The following CUBN variants were observed in gnomAD, a reference collection of about 807,000 sequenced individuals.
CUBN encodes the protein cubilin.
Under a neutral mutation model 405.3 loss-of-function variants are expected in CUBN, and 282 were observed. The observed-to-expected ratio is 0.70, with a 90% CI of 0.63 to 0.77. CUBN has a LOEUF of 0.77. Ranked by LOEUF, CUBN falls within the 30% of genes least tolerant of loss-of-function variation. The probability of loss-of-function intolerance (pLI) is 0.00; values close to 1 mark genes in which losing one functional copy is unlikely to be tolerated. For missense variants in CUBN, 4,514 were observed against 4,475.2 expected (o/e 1.01, Z -0.25); for synonymous variants, 1,684 against 1,617.0 (o/e 1.04, Z -0.99).
chr10:17,096,075 T>TA (rs1487818824), intron 14 of CUBN, among the ~76,000 whole-genome samples: 2 of 151,968 alleles, frequency 1.3e-5, no homozygotes, highest in Admixed American at 6.6e-5. Context: ...ATGTGAAATC[T>TA]AAAAAAAGTT....
At chr10:16,827,747 G>A (rs1368140532) in intron 66 of CUBN, among the ~76,000 whole-genome samples, 7 of 152,190 alleles carry the variant, frequency 4.6e-5, no homozygotes, top group Non-Finnish European at 7.3e-5. Context: ...GATTACAGGC[G>A]TGTGCCACTA....
chr10:17,045,210 T>C, intron 24 of CUBN, 22 bp from the exon 25 acceptor site: 1 of 1,611,042 alleles, frequency 6.2e-7, no homozygotes, highest in East Asian at 2.2e-5. Flanking sequence ...AGAAGTGGAA[T>C]GACACACACC....
chr10:16,847,856 A>G (rs1398264726), intron 60 of CUBN, among the ~76,000 whole-genome samples: 1 of 152,142 alleles, frequency 6.6e-6, no homozygotes, highest in Non-Finnish European at 1.5e-5. Context: ...GTTCAGTTAA[A>G]TTAGCTTTTC....
In CUBN at chr10:16,880,668, A is replaced by T. The variant is rs532417226; in HGVS notation, c.8906-3571T>A. ...TCAAAGAATCTTGACAAATACTTTT[A>T]AAAAGCATCTCTGTGCATTAAAGAG... On this transcript the variant is annotated intron_variant, in intron 56 of 66. Coordinates refer to ENST00000377833, the MANE Select transcript of CUBN (RefSeq NM_001081.4). Among the ~76,000 whole-genome samples the T allele has an allele frequency of 3.3e-5, 5 of 152,364 alleles. No homozygotes were observed. The South Asian group carries it at 1.0e-3, about 32-fold the overall frequency.
intron 14 of CUBN, among the ~76,000 whole-genome samples, chr10:17,091,402 TA>T (rs66767096): frequency 0.87 from 132,108 of 151,910 alleles, 57,549 homozygotes; most frequent in East Asian, 0.95. Flanking sequence ...GAATACTTTT[TA>T]AAAAAAAGAA....
chr10:17,105,976 T>C (rs774886372), intron 10 of CUBN, among the ~76,000 whole-genome samples: 1 of 152,154 alleles, frequency 6.6e-6, no homozygotes, highest in Non-Finnish European at 1.5e-5. Flanking sequence ...CTCTGACTGA[T>C]TTAATCCTCC....
intron 28 of CUBN, among the ~76,000 whole-genome samples, chr10:17,014,734 T>TACTTTTGA (rs1834281472): frequency 6.6e-6 from 1 of 152,178 alleles, no homozygotes; most frequent in East Asian, 1.9e-4. Context: ...CATCCACATA[T>TACTTTTGA]TGAAGGACCA....
chr10:16,930,380 G>A (rs1842327537), intron 40 of CUBN, among the ~76,000 whole-genome samples: 1 of 152,144 alleles, frequency 6.6e-6, no homozygotes. Flanking sequence ...AATCTTACAG[G>A]AGTTACAAGC....
chr10:17,099,348 T>C (rs1836445532), intron 14 of CUBN, among the ~76,000 whole-genome samples: 1 of 152,042 alleles, frequency 6.6e-6, no homozygotes, highest in South Asian at 2.1e-4. Context: ...TGAGTGATCA[T>C]TAAGATGAAG....
rs1256669256 is a variant in CUBN at position 16,915,971 on chromosome 10, T to C, written c.7060A>G (p.Thr2354Ala). Residue 2354 changes from threonine (T) to alanine (A), a missense_variant, in exon 46 of 67, where the codon ACA (threonine) becomes GCA (alanine). Physicochemically the swap from Thr to Ala is moderately conservative, Grantham distance 58 (BLOSUM62 0). Transcript: ENST00000377833. ...AATAAGTTGTCTCTGTATGGAAGTG[T>C]TGGATGTCCAATGCTTTCAACAACA... The part of the protein sequence containing the change: ...SGVVESIGHP[T>A]LPYRDNLFCE... 2.5e-6 allele frequency: 4 copies of C among 1,614,002 alleles called. No homozygotes were observed. Among genetic ancestry groups the C allele is most frequent in the Non-Finnish European group, 2.5e-6 (3 of 1,180,026 alleles).
intron 28 of CUBN, among the ~76,000 whole-genome samples, chr10:17,002,605 C>G (rs1588570104): frequency 1.3e-5 from 2 of 152,270 alleles, no homozygotes; most frequent in South Asian, 4.1e-4. Context: ...AGATGAAGGT[C>G]AACTGTGTGG....
At chr10:16,887,454 A>C (rs893401595) in intron 56 of CUBN, among the ~76,000 whole-genome samples, 3 of 152,210 alleles carry the variant, frequency 2.0e-5, no homozygotes, top group Admixed American at 6.5e-5. Context: ...TATTTTCTTT[A>C]AATGGTGAGT....
intron 31 of CUBN, among the ~76,000 whole-genome samples, chr10:16,962,820 G>C (rs909032897): frequency 6.6e-6 from 1 of 152,140 alleles, no homozygotes; most frequent in Non-Finnish European, 1.5e-5. Context: ...AGTGAGCCAG[G>C]AAGCATGCAG....
intron 33 of CUBN, among the ~76,000 whole-genome samples, chr10:16,951,030 G>T (rs1392522269): frequency 6.6e-6 from 1 of 152,154 alleles, no homozygotes; most frequent in Non-Finnish European, 1.5e-5. Flanking sequence ...CAAGCACCTG[G>T]ATACATTTTC....
At chr10:17,022,637 C>G (rs1834529461) in intron 27 of CUBN, among the ~76,000 whole-genome samples, 1 of 152,230 alleles carries the variant, frequency 6.6e-6, no homozygotes, top group South Asian at 2.1e-4. Flanking sequence ...AACCTTGCAG[C>G]CTGTGCTTCT....
intron 27 of CUBN, among the ~76,000 whole-genome samples, chr10:17,025,639 A>G (rs1467724048): frequency 6.6e-6 from 1 of 152,208 alleles, no homozygotes; most frequent in East Asian, 1.9e-4. Flanking sequence ...CACCCAAAAT[A>G]GCTATGAGAA....
At chr10:17,080,426 C>A (rs1397593661) in intron 17 of CUBN, among the ~76,000 whole-genome samples, 1 of 152,138 alleles carries the variant, frequency 6.6e-6, no homozygotes, top group Non-Finnish European at 1.5e-5. Flanking sequence ...TCCTTCCTGT[C>A]TTATTGATTA....
chr10:16,859,253 A>C (rs1041810036), intron 59 of CUBN, among the ~76,000 whole-genome samples: 5 of 152,204 alleles, frequency 3.3e-5, no homozygotes, highest in African/African-American at 4.8e-5. Flanking sequence ...TTGAGAATAG[A>C]TAAAAAGCTC....
chr10:16,826,769 A>G (rs1440843814), intron 66 of CUBN, among the ~76,000 whole-genome samples: 2 of 152,176 alleles, frequency 1.3e-5, no homozygotes, highest in Admixed American at 1.3e-4. Context: ...TATAAACCTG[A>G]ACTCGGTTTA....
Sources: allele counts gnomAD v4.1 joint callset (sites outside exome capture counted in the v4.1 genomes callset), GRCh38; gene constraint gnomAD v4.1.1; transcripts MANE v1.5; gene names NCBI Gene and HGNC (gene_info 2026-07-23, HGNC 2026-07-21).